ANK3: variants seen among roughly 807,000 people sequenced by gnomAD.
ANK3 encodes the protein ankyrin 3.
ANK3 carries 57 observed loss-of-function variants against 370.9 expected under a neutral mutation model. The ratio of observed to expected loss-of-function variants is 0.15; its 90% confidence interval spans 0.12 to 0.19. The LOEUF (loss-of-function observed/expected upper bound fraction) is 0.19. Ranked by LOEUF, ANK3 falls within the 10% of genes least tolerant of loss-of-function variation. The pLI is 1.00. For synonymous variants in ANK3, 1,929 were observed against 1,946.3 expected (o/e 0.99, Z 0.23); for missense variants, 4,439 against 5,302.1 (o/e 0.84, Z 5.06).
At chr10:60,164,337 T>C (rs2095567786) in intron 23 of ANK3, among the ~76,000 whole-genome samples, 2 of 152,050 alleles carry the variant, frequency 1.3e-5, no homozygotes, top group South Asian at 4.2e-4. Flanking sequence ...GAGAATGCAA[T>C]AGTCCTGCTA....
intron 1 of ANK3, among the ~76,000 whole-genome samples, chr10:60,693,782 A>G (rs1199731245): frequency 1.3e-5 from 2 of 152,226 alleles, no homozygotes; most frequent in African/African-American, 4.8e-5. Flanking sequence ...AAAGTAGATA[A>G]AACCACAAAG....
chr10:60,461,338 A>C (rs144720285), intron 2 of ANK3, among the ~76,000 whole-genome samples: 1 of 152,300 alleles, frequency 6.6e-6, no homozygotes, highest in African/African-American at 2.4e-5. Context: ...GATTAAAAGA[A>C]CTAATGCAGT....
chr10:60,231,476 T>C (rs76028760), intron 8 of ANK3, among the ~76,000 whole-genome samples: 8 of 152,164 alleles, frequency 5.3e-5, no homozygotes, highest in African/African-American at 1.9e-4. Flanking sequence ...CAATAGTAAG[T>C]ACTTGGTGGG....
At chr10:60,220,009 C>T (rs1451449848) in intron 8 of ANK3, among the ~76,000 whole-genome samples, 4 of 152,058 alleles carry the variant, frequency 2.6e-5, no homozygotes. Context: ...CAAAGTAAAG[C>T]AGCCTTTCAA....
chr10:60,273,101 C>A (rs1347997826), intron 4 of ANK3, among the ~76,000 whole-genome samples: 1 of 152,180 alleles, frequency 6.6e-6, no homozygotes, highest in Admixed American at 6.6e-5. Flanking sequence ...TCTGAAATCA[C>A]TCTACATGCC....
At chr10:60,298,915 AG>A (rs1257040979) in intron 1 of ANK3, among the ~76,000 whole-genome samples, 2 of 152,206 alleles carry the variant, frequency 1.3e-5, no homozygotes, top group Non-Finnish European at 2.9e-5. Flanking sequence ...GCATATGCAA[AG>A]TTTTCAAATC....
At chr10:60,180,949 G>A (rs1042311354) in intron 18 of ANK3, among the ~76,000 whole-genome samples, 11 of 152,094 alleles carry the variant, frequency 7.2e-5, no homozygotes, top group Admixed American at 1.3e-4. Flanking sequence ...CATGCTGAAC[G>A]AACGTAGAGG....
In ANK3 at chr10:60,279,609, C is replaced by T; in HGVS notation, c.145G>A (p.Ala49Thr). Residue 49 changes from alanine to threonine, a missense_variant, in exon 2 of 44, where the codon GCT (alanine) becomes ACT (threonine). Ala to Thr is a moderately conservative substitution (Grantham distance 58). Around this residue, in one of 13 missense-constraint regions of ANK3, gnomAD observed 136 missense variants for 230.5 expected, o/e 0.59. Transcript: ENST00000280772. ...SDANASYLRAARAGHLEKALD... is the reference protein window; with the variant it reads ...SDANASYLRATRAGHLEKALD... ...GCCTTTTCAAGGTGTCCAGCTCGAG[C>T]TGCTCTTAAGTAACTTGCATTGGCA... The T allele has an allele frequency of 6.2e-7, 1 of 1,611,672 alleles. No individual in the cohort carries two copies. The highest frequency in any genetic ancestry group is 8.5e-7 in the Non-Finnish European group (1 of 1,179,454).
chr10:60,448,185 G>A (rs7070102), intron 2 of ANK3, among the ~76,000 whole-genome samples: 58,138 of 152,018 alleles, frequency 0.38, 11,815 homozygotes, highest in Non-Finnish European at 0.46. Flanking sequence ...CAGCCTGTGC[G>A]CTAATGTCTA....
chr10:60,184,676 G>A (rs965791675), intron 17 of ANK3, among the ~76,000 whole-genome samples: 2 of 152,116 alleles, frequency 1.3e-5, no homozygotes, highest in Non-Finnish European at 2.9e-5. Context: ...CAAGCACTGA[G>A]AAAATTTTTG....
intron 7 of ANK3, among the ~76,000 whole-genome samples, chr10:60,258,519 T>C (rs2097765972): frequency 1.3e-5 from 2 of 152,240 alleles, no homozygotes; most frequent in South Asian, 4.1e-4. Context: ...GGACCTGCTT[T>C]ACTGCTGCAT....
intron 1 of ANK3, among the ~76,000 whole-genome samples, chr10:60,726,073 C>T (rs1478664915): frequency 6.6e-6 from 1 of 152,178 alleles, no homozygotes; most frequent in Non-Finnish European, 1.5e-5. Flanking sequence ...AATGTAATTA[C>T]TTCAACGATG....
intron 23 of ANK3, among the ~76,000 whole-genome samples, chr10:60,143,467 T>C (rs1307107082): frequency 2.6e-5 from 4 of 152,210 alleles, no homozygotes; most frequent in Non-Finnish European, 5.9e-5. Context: ...TATTAACAGA[T>C]GACATGCATT....
At chr10:60,453,469 G>GT (rs1376408607) in intron 2 of ANK3, among the ~76,000 whole-genome samples, 1 of 152,168 alleles carries the variant, frequency 6.6e-6, no homozygotes, top group Non-Finnish European at 1.5e-5. Context: ...AAATTAAAAT[G>GT]TGTCCCAAAC....
intron 7 of ANK3, among the ~76,000 whole-genome samples, chr10:60,255,183 G>A (rs901231175): frequency 2.0e-5 from 3 of 152,190 alleles, no homozygotes; most frequent in Admixed American, 2.0e-4. Context: ...ACCTGCAGAA[G>A]TAAAGAAGGG....
At chr10:60,697,210 C>T (rs1431071194) in intron 1 of ANK3, among the ~76,000 whole-genome samples, 1 of 149,436 alleles carries the variant, frequency 6.7e-6, no homozygotes, top group Admixed American at 6.7e-5. Context: ...TGTGAAGGAC[C>T]TCTTCAAGGA....
chr10:60,509,622 G>C (rs1363787259), intron 2 of ANK3, among the ~76,000 whole-genome samples: 1 of 152,120 alleles, frequency 6.6e-6, no homozygotes, highest in East Asian at 1.9e-4. Flanking sequence ...TGAAAGACTT[G>C]AGGAAGAGTC....
intron 2 of ANK3, among the ~76,000 whole-genome samples, chr10:60,488,703 T>C (rs1209216065): frequency 6.6e-6 from 1 of 152,202 alleles, no homozygotes; most frequent in African/African-American, 2.4e-5. Flanking sequence ...CTTCTTTCAC[T>C]TTGTTTAATG....
rs774445438 is a variant in ANK3, at chr10:60,279,689, T to C, written c.115-50A>G. 17 of 1,408,492 alleles carry C rather than the reference T, an allele frequency of 1.2e-5. No homozygotes were observed. In the Admixed American group the frequency reaches 2.9e-4, roughly 24 times the overall value. The allele number at this position is 1,408,492 out of a possible 1,614,324, so 87.2% of individuals were successfully genotyped here. Reference sequence around the variant, plus strand: ...TGATGAAAAATGAAGCTAATATGCATGTTTATAAACTATCCAGCTTAAGGT... The same window carrying C: ...TGATGAAAAATGAAGCTAATATGCACGTTTATAAACTATCCAGCTTAAGGT... On this transcript the variant is annotated intron_variant, in intron 1 of 43. Transcript: ENST00000280772.
Sources: allele counts gnomAD v4.1 joint callset (sites outside exome capture counted in the v4.1 genomes callset), GRCh38; gene constraint gnomAD v4.1.1; regional missense constraint gnomAD v4.1.1; transcripts MANE v1.5; gene names NCBI Gene and HGNC (gene_info 2026-07-23, HGNC 2026-07-21).